The following ATAD5 variants were observed in gnomAD, a reference collection of about 807,000 sequenced individuals.
ATAD5 encodes the protein ATPase family AAA domain-containing protein 5.
ATAD5 carries 58 observed loss-of-function variants against 176.9 expected under a neutral mutation model. The observed-to-expected ratio is 0.33, with a 90% CI of 0.27 to 0.41. The LOEUF (loss-of-function observed/expected upper bound fraction) is 0.41. Ranked by LOEUF, ATAD5 falls within the 10% of genes least tolerant of loss-of-function variation. The probability of loss-of-function intolerance (pLI) is 1.00; values close to 1 mark genes in which losing one functional copy is unlikely to be tolerated. For synonymous variants in ATAD5, 640 were observed against 712.6 expected, an observed-to-expected ratio of 0.90 and a Z score of 1.62; for missense variants, 1,789 against 2,094.1, an observed-to-expected ratio of 0.85 and a Z score of 2.84.
intron 2 of ATAD5, 124 bp downstream of exon 2, chr17:30,836,172 C>G (rs1227587246): frequency 4.7e-6 from 4 of 847,976 alleles, no homozygotes; most frequent in Non-Finnish European, 6.7e-6. Flanking sequence ...AGAAAAAGAA[C>G]AGGATTTCTT....
intron 4 of ATAD5, among the ~76,000 whole-genome samples, chr17:30,841,040 G>A (rs58934173): frequency 0.11 from 15,918 of 150,270 alleles, 952 homozygotes; most frequent in South Asian, 0.24. Context: ...ACAGAGTTTC[G>A]CTCTTGTTGC....
intron 18 of ATAD5, among the ~76,000 whole-genome samples, chr17:30,885,743 C>T (rs868634048): frequency 5.4e-5 from 8 of 147,904 alleles, no homozygotes; most frequent in Non-Finnish European, 1.0e-4. Flanking sequence ...GAGTGATTCT[C>T]CTGTCTCAGC....
In ATAD5 at chr17:30,889,039, G is replaced by A. The variant is rs532882504; in HGVS notation, c.4258+1667G>A. 9.0e-5 allele frequency among the ~76,000 whole-genome samples: 13 copies of A among 143,708 alleles called. No individual in the cohort carries two copies. In the South Asian group the frequency reaches 1.1e-3, roughly 12 times the overall value. The allele number at this position is 143,708 out of a possible 152,430, so 94.3% of individuals were successfully genotyped here. On this transcript the variant is annotated intron_variant, in intron 19 of 22. Transcript: ENST00000321990. ...CGCACCACTGCATTCCAACCTGGGC[G>A]ACAGAGTGAGACTCTGTCTCAAAAA...
chr17:30,872,082 A>T (rs1908368452), intron 14 of ATAD5, among the ~76,000 whole-genome samples: 1 of 152,066 alleles, frequency 6.6e-6, no homozygotes, highest in Non-Finnish European at 1.5e-5. Flanking sequence ...TCAGCTAATT[A>T]AAAGAAATTT....
rs575551879 is a variant in ATAD5 at position 30,856,518 on chromosome 17, A to G, written c.2636-437A>G. ...GGCTGGAGTGCAGTGATGAGATCTC[A>G]GCTCACTGCAACCTCTGTCTCCTGG... On this transcript the variant is annotated intron_variant, in intron 7 of 22. Coordinates refer to ENST00000321990, the MANE Select transcript of ATAD5 (RefSeq NM_024857.5). Among the ~76,000 whole-genome samples, 448 of 152,140 alleles carry G rather than the reference A, an allele frequency of 2.9e-3. 3 individuals carry two copies. Among genetic ancestry groups the G allele is most frequent in the Non-Finnish European group, 3.8e-3 (256 of 67,976 alleles).
chr17:30,874,402 A>G (rs1432538655), intron 14 of ATAD5, among the ~76,000 whole-genome samples: 1 of 143,654 alleles, frequency 7.0e-6, no homozygotes, highest in East Asian at 2.3e-4. Flanking sequence ...TTAGCTGGGC[A>G]TGGTGGCGTG....
At chr17:30,844,066 T>A (rs371153308) in intron 5 of ATAD5, 27 bp downstream of exon 5, 99 of 1,469,500 alleles carry the variant, frequency 6.7e-5, no homozygotes, top group Non-Finnish European at 8.5e-5. Flanking sequence ...ATATTTATGA[T>A]GTATATTAGA....
intron 17 of ATAD5, 126 bp downstream of exon 17, chr17:30,878,222 T>G (rs1230278922): frequency 6.0e-6 from 4 of 667,304 alleles, no homozygotes; most frequent in Admixed American, 2.7e-5. Context: ...TACTTTGGGT[T>G]ACTATGTTGG....
intron 18 of ATAD5, among the ~76,000 whole-genome samples, chr17:30,883,386 C>G (rs930006236): frequency 6.6e-6 from 1 of 152,038 alleles, no homozygotes; most frequent in Non-Finnish European, 1.5e-5. Context: ...CTCAGCCTCC[C>G]GAAGTGCTGG....
At position 30,844,862 on chromosome 17, in the gene ATAD5, T is replaced by A. The variant is rs1448559471; in HGVS notation, c.2396T>A (p.Leu799His). The A allele has an allele frequency of 1.3e-6, 2 of 1,597,992 alleles. No homozygotes were observed. The highest frequency in any genetic ancestry group is 3.6e-5 in the Admixed American group (2 of 55,102). Residue 799 changes from leucine to histidine, a missense_variant, in exon 6 of 23, where the codon CTT becomes CAT. Physicochemically the swap from Leu to His is moderately conservative, Grantham distance 99 (BLOSUM62 -3). Coordinates refer to ENST00000321990, the MANE Select transcript of ATAD5 (RefSeq NM_024857.5). The stretch of plus-strand genomic sequence containing the variant: ...AAAATGAAAGTCGCTCCTTTATTTC[T>A]TGTCAGAAAAGCACAAAAAGCAGCT... Reference protein sequence around the residue: ...PGKMKVAPLFLVRKAQKAADP... With the variant: ...PGKMKVAPLFHVRKAQKAADP...
At chr17:30,871,070 A>G (rs1482432928) in intron 14 of ATAD5, among the ~76,000 whole-genome samples, 1 of 151,356 alleles carries the variant, frequency 6.6e-6, no homozygotes, top group East Asian at 1.9e-4. Flanking sequence ...CTCCTGGCAC[A>G]CTGATGCTTT....
Position 30,840,482 on chromosome 17 carries a change from T to G in ATAD5, c.2077-135T>G, listed in dbSNP as rs937165425. 1.3e-5 allele frequency: 8 copies of G among 602,086 alleles called. 1 individual carries two copies. The highest frequency in any genetic ancestry group is 1.2e-4 in the African/African-American group (6 of 51,190). 37.3% of individuals were successfully genotyped at this position (602,086 alleles called of 1,614,324 possible). A position where few individuals can be genotyped will look rare whatever the true frequency, so the allele number is the denominator to read the frequency against. On this transcript the variant is annotated intron_variant, in intron 3 of 22. Transcript: ENST00000321990. ...TAATGATAACTAGACACATTTCAAT[T>G]TAAGGCCCCTGGTAAGATTTGAATA...
In ATAD5 at chr17:30,835,984, G is replaced by C. The variant is rs1251357946; in HGVS notation, c.1903G>C (p.Glu635Gln). 1 of 1,613,970 alleles carries C rather than the reference G, an allele frequency of 6.2e-7. No individual in the cohort carries two copies. The highest frequency in any genetic ancestry group is 8.5e-7 in the Non-Finnish European group (1 of 1,179,968). ...ASTQKAANLS[E>Q]KHSLYTAELI... is the part of the protein sequence containing the mutation. The stretch of plus-strand genomic sequence containing the variant: ...CACTCAAAAAGCAGCCAACTTATCG[G>C]AAAAGCACAGCTTATATACAGCAGA... Residue 635 changes from glutamate (E) to glutamine (Q), a missense_variant, in exon 2 of 23, where the codon GAA (glutamate) becomes CAA (glutamine). By Grantham distance (29) the Glu-to-Gln change is conservative. This residue lies in a region of ATAD5 where 487 missense variants were observed against 573.6 expected (regional missense o/e 0.85). Transcript: ENST00000321990.
chr17:30,844,446 T>G (rs537016874), intron 5 of ATAD5, among the ~76,000 whole-genome samples: 1 of 152,230 alleles, frequency 6.6e-6, no homozygotes, highest in East Asian at 1.9e-4. Context: ...TTTGGGGTAT[T>G]ATTCTGAACG....
intron 6 of ATAD5, among the ~76,000 whole-genome samples, chr17:30,853,604 C>G (rs1346981538): frequency 6.6e-6 from 1 of 152,142 alleles, no homozygotes; most frequent in Non-Finnish European, 1.5e-5. Context: ...TTTTTGTAGT[C>G]TCTTTTGAAT....
intron 3 of ATAD5, among the ~76,000 whole-genome samples, chr17:30,838,010 C>T (rs1905858162): frequency 6.6e-6 from 1 of 152,170 alleles, no homozygotes; most frequent in Admixed American, 6.5e-5. Flanking sequence ...CTGTGGAGGG[C>T]TGTCCTGTGC....
At chr17:30,869,943 C>A (rs1293894781) in intron 14 of ATAD5, 1 of 240,284 alleles carries the variant, frequency 4.2e-6, no homozygotes. Flanking sequence ...GACCTTGTCT[C>A]TACAAATAAT....
intron 6 of ATAD5, among the ~76,000 whole-genome samples, chr17:30,850,008 G>T (rs544496754): frequency 2.0e-5 from 3 of 152,200 alleles, no homozygotes; most frequent in South Asian, 2.1e-4. Context: ...AGGCATGGTG[G>T]TGTATGCCTA....
In ATAD5 at chr17:30,877,449, C is replaced by T; in HGVS notation, c.3818C>T (p.Thr1273Ile). The T allele has an allele frequency of 6.4e-7, 1 of 1,557,600 alleles. No individual in the cohort carries two copies. The highest frequency in any genetic ancestry group is 1.7e-4 in the Middle Eastern group (1 of 5,934). The stretch of plus-strand genomic sequence containing the variant: ...AATTCTTTTGAACAGAAACAAATTA[C>T]TCAGACTAAATCTACAAATGCAACT... Reference protein sequence around the residue: ...IKNSFEQKQITQTKSTNATNS... With the variant: ...IKNSFEQKQIIQTKSTNATNS... Residue 1273 changes from threonine to isoleucine, a missense_variant, in exon 16 of 23, where the codon ACT (threonine) becomes ATT (isoleucine). This residue lies in a region of ATAD5 where 194 missense variants were observed against 270.1 expected (regional missense o/e 0.72). Coordinates refer to ENST00000321990, the MANE Select transcript of ATAD5 (RefSeq NM_024857.5).
Sources: gnomAD v4.1 joint callset for allele counts (sites outside exome capture counted in the v4.1 genomes callset) on GRCh38, gnomAD v4.1.1 for gene constraint, gnomAD v4.1.1 regional missense constraint, MANE v1.5 for transcripts, NCBI Gene and HGNC (gene_info 2026-07-23, HGNC 2026-07-21) for gene names.